The following GALNT13 variants were observed in gnomAD, a reference collection of about 807,000 sequenced individuals.
GALNT13 encodes UDP-GalNAc:polypeptide N-acetylgalactosaminyltransferase 13.
In GALNT13, 28 loss-of-function variants were observed where a neutral mutation model predicts 64.2. The observed-to-expected ratio is 0.44, with a 90% CI of 0.32 to 0.60. The LOEUF (loss-of-function observed/expected upper bound fraction) is 0.60. Ranked by LOEUF, GALNT13 falls within the 20% of genes least tolerant of loss-of-function variation. The probability of loss-of-function intolerance (pLI) is 0.05; values close to 1 mark genes in which losing one functional copy is unlikely to be tolerated. For synonymous variants in GALNT13, 214 were observed against 224.6 expected, an observed-to-expected ratio of 0.95 and a Z score of 0.42; for missense variants, 577 against 669.8, an observed-to-expected ratio of 0.86 and a Z score of 1.53.
At chr2:153,403,046 C>T in the GALNT13 span, among the ~76,000 whole-genome samples, 3 of 150,888 alleles carry the variant, frequency 2.0e-5, no homozygotes, top group Non-Finnish European at 4.5e-5. Flanking sequence ...GTTTTTTCCC[C>T]ATCTTTGTGG....
At chr2:153,458,556 C>T in the GALNT13 span, among the ~76,000 whole-genome samples, 3 of 152,126 alleles carry the variant, frequency 2.0e-5, no homozygotes, top group African/African-American at 7.2e-5. Flanking sequence ...ATTTTCCCCA[C>T]TATTGATGAT....
the GALNT13 span, among the ~76,000 whole-genome samples, chr2:153,235,854 A>G: frequency 6.6e-6 from 1 of 152,176 alleles, no homozygotes; most frequent in African/African-American, 2.4e-5. Context: ...CTTAAATCAC[A>G]AGCTGGAAAT....
At chr2:154,358,637 T>C (rs1405302727) in intron 9 of GALNT13, among the ~76,000 whole-genome samples, 1 of 152,104 alleles carries the variant, frequency 6.6e-6, no homozygotes, top group Non-Finnish European at 1.5e-5. Context: ...ATTTTTTTTC[T>C]TTTCAGGATT....
intron 4 of GALNT13, among the ~76,000 whole-genome samples, chr2:154,192,052 G>A (rs1457488710): frequency 6.6e-6 from 1 of 152,182 alleles, no homozygotes; most frequent in African/African-American, 2.4e-5. Context: ...GATGGAGTGG[G>A]AAAGGTGGTT....
the GALNT13 span, among the ~76,000 whole-genome samples, chr2:153,442,205 C>A: frequency 1.3e-5 from 2 of 152,090 alleles, no homozygotes; most frequent in African/African-American, 4.8e-5. Context: ...TTGAGATAAT[C>A]ATGTGGTTTT....
At chr2:153,095,211 A>G in the GALNT13 span, among the ~76,000 whole-genome samples, 2 of 152,360 alleles carry the variant, frequency 1.3e-5, no homozygotes, top group Admixed American at 6.5e-5. Context: ...AAACAACCCC[A>G]TCAAAAATTG....
rs187407352 is a variant in GALNT13 at position 154,157,788 on chromosome 2, C to T, written c.311+17283C>T. On this transcript the variant is annotated intron_variant, in intron 4 of 12. Transcript: ENST00000392825. ...GAGGTCACTAATGATTGCTATGGTG[C>T]TATATTTAACAGTCAATTTTCAGTT... is the stretch of plus-strand genomic sequence containing the variant. Among the ~76,000 whole-genome samples, 131 of 152,246 alleles carry T rather than the reference C, an allele frequency of 8.6e-4. 2 individuals carry two copies. The East Asian group carries it at 0.022, about 26-fold the overall frequency.
the GALNT13 span, among the ~76,000 whole-genome samples, chr2:153,846,547 AT>A: frequency 6.6e-6 from 1 of 152,140 alleles, no homozygotes; most frequent in Non-Finnish European, 1.5e-5. Flanking sequence ...TTAAGCAGAA[AT>A]CACATTTAAA....
chr2:154,141,236 A>T (rs1011093008), intron 4 of GALNT13, among the ~76,000 whole-genome samples: 1 of 152,146 alleles, frequency 6.6e-6, no homozygotes, highest in African/African-American at 2.4e-5. Flanking sequence ...TGTAGACTTT[A>T]TAAACACTAT....
intron 2 of GALNT13, among the ~76,000 whole-genome samples, chr2:153,910,768 T>C (rs10931826): frequency 0.7 from 106,756 of 152,038 alleles, 37,803 homozygotes; most frequent in East Asian, 0.9. Flanking sequence ...TTCTCTTTTT[T>C]TGTGTGCTGT....
In GALNT13 at chr2:154,269,906, G is replaced by GTATATATATATATATA. The variant is rs67387315; in HGVS notation, c.975+10772_975+10787dup. Among the ~76,000 whole-genome samples, 391 of 96,766 alleles carry GTATATATATATATATA rather than the reference G, an allele frequency of 4.0e-3. 13 individuals are homozygous for GTATATATATATATATA. Among genetic ancestry groups the GTATATATATATATATA allele is most frequent in the African/African-American group, 9.6e-3 (266 of 27,628 alleles). 63.5% of individuals were successfully genotyped at this position (96,766 alleles called of 152,430 possible). A position where few individuals can be genotyped will look rare whatever the true frequency, so the allele number is the denominator to read the frequency against. On this transcript the variant is annotated intron_variant, in intron 8 of 12. Coordinates refer to ENST00000392825, the MANE Select transcript of GALNT13 (RefSeq NM_052917.4). ...GTCATATATATATTTATATATATGT[G>GTATATATATATATATA]TATATATATATATATATATTTCTAA...
chr2:153,250,887 G>A, the GALNT13 span, among the ~76,000 whole-genome samples: 2 of 151,908 alleles, frequency 1.3e-5, no homozygotes, highest in African/African-American at 4.8e-5. Flanking sequence ...GGGGTGGGGG[G>A]CAAAGGGACA....
chr2:153,611,596 A>G, the GALNT13 span, among the ~76,000 whole-genome samples: 9 of 149,966 alleles, frequency 6.0e-5, no homozygotes, highest in Non-Finnish European at 1.5e-5. Context: ...TGTGACCTCC[A>G]GTGATCTGCC....
intron 8 of GALNT13, among the ~76,000 whole-genome samples, chr2:154,279,182 T>C (rs754867330): frequency 6.6e-6 from 1 of 152,106 alleles, no homozygotes; most frequent in Non-Finnish European, 1.5e-5. Context: ...CTTATTATCA[T>C]CTTATTCTAT....
the GALNT13 span, among the ~76,000 whole-genome samples, chr2:153,497,704 C>T: frequency 6.6e-6 from 1 of 151,034 alleles, no homozygotes. Flanking sequence ...CGCCCGGCTA[C>T]TTTTTGTATT....
intron 9 of GALNT13, among the ~76,000 whole-genome samples, chr2:154,392,625 A>T (rs1698849536): frequency 6.6e-6 from 1 of 152,236 alleles, no homozygotes; most frequent in African/African-American, 2.4e-5. Flanking sequence ...GTATAAATGA[A>T]TTCAAAAAGC....
the GALNT13 span, among the ~76,000 whole-genome samples, chr2:153,348,980 C>A: frequency 6.6e-6 from 1 of 152,132 alleles, no homozygotes; most frequent in Non-Finnish European, 1.5e-5. Flanking sequence ...ATAGTTCTTT[C>A]CAGAGAATGA....
chr2:153,176,671 A>C, the GALNT13 span, among the ~76,000 whole-genome samples: 11,324 of 151,692 alleles, frequency 0.075, 1,444 homozygotes, highest in East Asian at 0.57. Context: ...GAAGGAAAAA[A>C]AGCAATGATT....
At chr2:154,050,118 A>C (rs1017678655) in intron 3 of GALNT13, among the ~76,000 whole-genome samples, 3 of 152,168 alleles carry the variant, frequency 2.0e-5, no homozygotes, top group African/African-American at 7.2e-5. Context: ...TTATATAGTC[A>C]ACATTGAAAC....
Sources: gnomAD v4.1 joint callset for allele counts (sites outside exome capture counted in the v4.1 genomes callset) on GRCh38, gnomAD v4.1.1 for gene constraint, MANE v1.5 for transcripts, NCBI Gene and HGNC (gene_info 2026-07-23, HGNC 2026-07-21) for gene names.